ZNF618: variants seen among roughly 807,000 people sequenced by gnomAD.
The protein encoded by ZNF618 is zinc finger protein 618.
In ZNF618, 34 loss-of-function variants were observed where a neutral mutation model predicts 103.0. The ratio of observed to expected loss-of-function variants is 0.33; its 90% CI spans 0.25 to 0.44. ZNF618 has a LOEUF of 0.44. Among genes scored for constraint, ZNF618 ranks in the 20% least tolerant of loss-of-function variants. ZNF618 has a pLI of 1.00. For missense variants in ZNF618, 1,059 were observed against 1,295.4 expected (o/e 0.82, Z 2.80); for synonymous variants, 551 against 542.2 (o/e 1.02, Z -0.23).
In ZNF618 at chr9:114,036,313, C is replaced by T. The variant is rs377721880; in HGVS notation, c.1182C>T (p.Cys394=). Residue 394 remains cysteine (C), a synonymous_variant, in exon 13 of 15, where the codon TGC becomes TGT. Transcript: ENST00000374126. ...SSQNSSEPYT[C]GACGIQFQFY... ...TTCTCCCTCCAGAACCCTACACCTG[C>T]GGCGCCTGTGGGATCCAGTTCCAGT... is the stretch of plus-strand genomic sequence containing the variant. 3.8e-6 allele frequency: 6 copies of T among 1,575,846 alleles called. No individual in the cohort carries two copies. Among genetic ancestry groups the T allele is most frequent in the East Asian group, 4.6e-5 (2 of 43,028 alleles).
intron 1 of ZNF618, among the ~76,000 whole-genome samples, chr9:113,945,313 C>T (rs976734610): frequency 3.9e-5 from 6 of 152,204 alleles, no homozygotes; most frequent in African/African-American, 1.2e-4. Flanking sequence ...GCTTCCAACT[C>T]CAGACTAGAT....
intron 1 of ZNF618, 89 bp from the exon 2 acceptor site, chr9:113,969,028 G>A (rs1837697128): frequency 1.4e-6 from 2 of 1,436,116 alleles, no homozygotes; most frequent in East Asian, 4.5e-5. Context: ...GTGAAGGCTG[G>A]TATTCAGTGG....
At chr9:113,989,654 C>T (rs1839835447) in intron 3 of ZNF618, among the ~76,000 whole-genome samples, 1 of 152,256 alleles carries the variant, frequency 6.6e-6, no homozygotes, top group Non-Finnish European at 1.5e-5. Context: ...TGGCTCACCT[C>T]CTACTGACTT....
At chr9:114,001,082 G>C (rs557131109) in intron 4 of ZNF618, among the ~76,000 whole-genome samples, 1 of 152,220 alleles carries the variant, frequency 6.6e-6, no homozygotes, top group African/African-American at 2.4e-5. Context: ...GGCTGATTTA[G>C]ATGGGGAGCA....
rs369184113 is a variant in ZNF618 at position 114,007,429 on chromosome 9, C to G, written c.630C>G (p.His210Gln). 6.2e-7 allele frequency: 1 copy of G among 1,613,426 alleles called. No homozygotes were observed. The highest frequency in any genetic ancestry group is 8.5e-7 in the Non-Finnish European group (1 of 1,179,792). The stretch of plus-strand genomic sequence containing the variant: ...GTTTCCAAGAGCACCGAGACCTGCA[C>G]GCAGTGGATGGTGAGTCAGGCCCCT... ...YSCFQEHRDL[H>Q]AVDVFSVEGA... is the part of the protein sequence containing the mutation. Residue 210 changes from histidine to glutamine, a missense_variant, in exon 7 of 15, where the codon CAC becomes CAG. His to Gln is a conservative substitution (Grantham distance 24). Coordinates refer to ENST00000374126, the MANE Select transcript of ZNF618 (RefSeq NM_001318042.2).
intron 3 of ZNF618, 92 bp from the exon 4 acceptor site, chr9:113,998,167 G>A (rs373166343): frequency 6.1e-6 from 7 of 1,146,266 alleles, no homozygotes; most frequent in African/African-American, 1.5e-5. Context: ...TCTTGTCCAC[G>A]CTTCTCAAAG....
At chr9:113,905,955 T>G (rs1830950890) in intron 1 of ZNF618, among the ~76,000 whole-genome samples, 1 of 152,126 alleles carries the variant, frequency 6.6e-6, no homozygotes, top group African/African-American at 2.4e-5. Context: ...TTCCCTCTCT[T>G]AGGGTGTTTT....
At position 114,008,489 on chromosome 9, in the gene ZNF618, A is replaced by G. The variant is rs776211861; in HGVS notation, c.689A>G (p.Gln230Arg). 6.2e-7 allele frequency: 1 copy of G among 1,613,896 alleles called. No individual in the cohort carries two copies. The highest frequency in any genetic ancestry group is 1.7e-5 in the Admixed American group (1 of 60,014). ...TGTTCTCCCACAGACCCCTTCGACC[A>G]AGGTGTCGTGGCCACGGACGAGGTG... ...APENRADPFD[Q>R]GVVATDEVKE... Residue 230 changes from glutamine (Q) to arginine (R), a missense_variant, in exon 9 of 15, where the codon CAA becomes CGA. Gln to Arg is a conservative substitution (Grantham distance 43, BLOSUM62 1). Transcript: ENST00000374126.
At chr9:113,978,881 C>T (rs918480578) in intron 2 of ZNF618, among the ~76,000 whole-genome samples, 5 of 152,038 alleles carry the variant, frequency 3.3e-5, no homozygotes, top group African/African-American at 7.2e-5. Context: ...CCCGGAGCAC[C>T]GCCCCAGCAT....
intron 9 of ZNF618, 103 bp downstream of exon 9, chr9:114,008,657 C>T: frequency 2.2e-6 from 3 of 1,360,866 alleles, no homozygotes; most frequent in Non-Finnish European, 3.1e-6. Flanking sequence ...GGTGGCATCA[C>T]TTAACTGCAG....
chr9:113,972,771 A>G (rs1838092980), intron 2 of ZNF618, among the ~76,000 whole-genome samples: 1 of 152,200 alleles, frequency 6.6e-6, no homozygotes. Flanking sequence ...TTAAACGTCA[A>G]GAGAATGTTG....
Position 114,049,828 on chromosome 9 carries a change from G to A in ZNF618, c.2526G>A (p.Glu842=). Residue 842 remains glutamate, a synonymous_variant, in exon 15 of 15, where the codon GAG becomes GAA. Coordinates refer to ENST00000374126, the MANE Select transcript of ZNF618 (RefSeq NM_001318042.2). ...LINEVKESWA[E]EADFEPAAKK... is the part of the protein sequence containing the mutation. ...ACGAGGTGAAGGAGTCCTGGGCCGAGGAGGCCGACTTCGAGCCCGCTGCCA... is the reference window on the plus strand; with the variant it reads ...ACGAGGTGAAGGAGTCCTGGGCCGAAGAGGCCGACTTCGAGCCCGCTGCCA... 1.2e-6 allele frequency: 2 copies of A among 1,613,980 alleles called. No individual in the cohort carries two copies. The highest frequency in any genetic ancestry group is 8.5e-7 in the Non-Finnish European group (1 of 1,179,910).
At chr9:113,921,985 C>A (rs988372134) in intron 1 of ZNF618, among the ~76,000 whole-genome samples, 5 of 151,956 alleles carry the variant, frequency 3.3e-5, no homozygotes, top group African/African-American at 1.2e-4. Context: ...ATAAAAAAAT[C>A]AAAATCACCC....
chr9:113,876,903 A>AT (rs566862167), intron 1 of ZNF618, among the ~76,000 whole-genome samples: 63 of 141,802 alleles, frequency 4.4e-4, no homozygotes, highest in Non-Finnish European at 6.8e-4. Flanking sequence ...TCCTTTCTCA[A>AT]TTTTTTTTTT....
intron 10 of ZNF618, among the ~76,000 whole-genome samples, chr9:114,024,726 G>A (rs778433433): frequency 1.3e-5 from 2 of 151,620 alleles, no homozygotes; most frequent in Non-Finnish European, 2.9e-5. Context: ...TCACTACACA[G>A]CCCCCCCACC....
At chr9:114,036,185 G>T in intron 12 of ZNF618, 115 bp from the exon 13 acceptor site, 1 of 935,972 alleles carries the variant, frequency 1.1e-6, no homozygotes, top group South Asian at 1.6e-5. Context: ...CCGGAGCCCT[G>T]AGCACAGAGA....
intron 1 of ZNF618, among the ~76,000 whole-genome samples, chr9:113,941,681 T>C (rs988215695): frequency 5.3e-5 from 8 of 152,190 alleles, no homozygotes; most frequent in African/African-American, 1.9e-4. Flanking sequence ...GAGTCTTACT[T>C]CTCTAGGGGA....
intron 2 of ZNF618, among the ~76,000 whole-genome samples, chr9:113,980,611 G>A (rs1408114): frequency 0.56 from 85,311 of 152,050 alleles, 24,265 homozygotes; most frequent in Middle Eastern, 0.77. Context: ...CCATGAGATC[G>A]CTTAGGAAAT....
At chr9:114,001,731 G>A (rs1363261741) in intron 4 of ZNF618, among the ~76,000 whole-genome samples, 2 of 152,126 alleles carry the variant, frequency 1.3e-5, no homozygotes, top group Non-Finnish European at 2.9e-5. Flanking sequence ...ATTAGCTGAA[G>A]AAGTTACCTT....
Sources: gnomAD v4.1 joint callset for allele counts (sites outside exome capture counted in the v4.1 genomes callset) on GRCh38, gnomAD v4.1.1 for gene constraint, MANE v1.5 for transcripts, NCBI Gene and HGNC (gene_info 2026-07-23, HGNC 2026-07-21) for gene names.